XRCC5: variants seen among roughly 807,000 people sequenced by gnomAD.
XRCC5 encodes DNA repair protein Ku80.
A neutral mutation model predicts 95.7 loss-of-function variants in XRCC5; 12 were observed. The observed-to-expected ratio is 0.13, with a 90% CI of 0.08 to 0.20. The LOEUF (loss-of-function observed/expected upper bound fraction) is 0.20. XRCC5 is among the 10% of genes least tolerant of loss of function. XRCC5 has a pLI of 1.00. For missense variants in XRCC5, 595 were observed against 873.9 expected (o/e 0.68, Z 4.02); for synonymous variants, 281 against 290.3 (o/e 0.97, Z 0.33).
At chr2:216,155,812 C>T (rs1011900247) in intron 14 of XRCC5, among the ~76,000 whole-genome samples, 3 of 151,996 alleles carry the variant, frequency 2.0e-5, no homozygotes, top group East Asian at 1.9e-4. Context: ...TCTGATATAT[C>T]GGTGGGTACA....
At chr2:216,153,440 G>A (rs1222951998) in intron 14 of XRCC5, among the ~76,000 whole-genome samples, 4 of 152,198 alleles carry the variant, frequency 2.6e-5, no homozygotes, top group African/African-American at 7.2e-5. Flanking sequence ...AAGATAATGG[G>A]AAGCCATTAA....
chr2:216,206,285 C>A lies in XRCC5; in HGVS notation c.*1083C>A, dbSNP rs1689942366. The stretch of plus-strand genomic sequence containing the variant: ...CATTAAAGGCATAAATGACTCATCT[C>A]TCTGTGAATTGCTGCTAATTATTGT... On this transcript the variant is annotated 3_prime_UTR_variant, in exon 21 of 21. Coordinates refer to ENST00000392132, the MANE Select transcript of XRCC5 (RefSeq NM_021141.4). The A allele has an allele frequency of 6.6e-6, 1 of 152,208 alleles. No homozygotes were observed. The highest frequency in any genetic ancestry group is 2.4e-5 in the African/African-American group (1 of 41,430). 9.4% of individuals were successfully genotyped at this position (152,208 alleles called of 1,614,324 possible).
rs188484618 is a variant in XRCC5 at position 216,158,714 on chromosome 2, A to T, written c.1671-1354A>T. Among the ~76,000 whole-genome samples the T allele has an allele frequency of 3.3e-5, 5 of 152,222 alleles. No homozygotes were observed. The East Asian group carries it at 9.6e-4, about 29-fold the overall frequency. ...CTCTTGTCTACTTCTCAAAGGGAAAACATTTAGTGGTGAATGGGAAAGATG... is the reference window on the plus strand; with the variant it reads ...CTCTTGTCTACTTCTCAAAGGGAAATCATTTAGTGGTGAATGGGAAAGATG... On this transcript the variant is annotated intron_variant, in intron 14 of 20. Coordinates refer to ENST00000392132, the MANE Select transcript of XRCC5 (RefSeq NM_021141.4).
chr2:216,200,699 G>T (rs1266389130), intron 19 of XRCC5, among the ~76,000 whole-genome samples: 1 of 152,142 alleles, frequency 6.6e-6, no homozygotes, highest in Non-Finnish European at 1.5e-5. Context: ...CCCATCCCTT[G>T]AGGTAACCAC....
At chr2:216,151,238 A>G (rs1688738613) in intron 14 of XRCC5, among the ~76,000 whole-genome samples, 1 of 152,218 alleles carries the variant, frequency 6.6e-6, no homozygotes, top group South Asian at 2.1e-4. Context: ...AAAATATACT[A>G]AATATTACCC....
At chr2:216,158,273 G>A (rs1256501162) in intron 14 of XRCC5, among the ~76,000 whole-genome samples, 1 of 152,158 alleles carries the variant, frequency 6.6e-6, no homozygotes, top group Non-Finnish European at 1.5e-5. Context: ...CTTTCCTAAG[G>A]AGCAGACTGA....
In XRCC5 at chr2:216,117,720, G is replaced by C. The variant is rs779841874; in HGVS notation, c.320-26G>C. ...TGTTCACATGAAGAGACTGTTTGGTGATATCCCTATCCTTAACTAGCTGAG... is the reference window on the plus strand; with the variant it reads ...TGTTCACATGAAGAGACTGTTTGGTCATATCCCTATCCTTAACTAGCTGAG... On this transcript the variant is annotated intron_variant, in intron 3 of 20. Coordinates refer to ENST00000392132, the MANE Select transcript of XRCC5 (RefSeq NM_021141.4). 7.4e-6 allele frequency: 12 copies of C among 1,612,866 alleles called. No homozygotes were observed. In the South Asian group the frequency reaches 1.3e-4, roughly 18 times the overall value.
At chr2:216,116,899 A>G (rs187841716) in intron 3 of XRCC5, 57 bp downstream of exon 3, 6 of 1,582,228 alleles carry the variant, frequency 3.8e-6, no homozygotes, top group Non-Finnish European at 2.6e-6. Context: ...TGGGAATCGT[A>G]CAGCAGTTTG....
intron 8 of XRCC5, 102 bp downstream of exon 8, chr2:216,127,776 T>G: frequency 7.7e-7 from 1 of 1,291,014 alleles, no homozygotes; most frequent in South Asian, 1.6e-5. Flanking sequence ...AGTTATTTCT[T>G]TGAGTTATAG....
At chr2:216,159,747 AT>A (rs1688914166) in intron 14 of XRCC5, among the ~76,000 whole-genome samples, 2 of 152,196 alleles carry the variant, frequency 1.3e-5, no homozygotes, top group African/African-American at 4.8e-5. Context: ...TTAAATTTCC[AT>A]TATCTGTGCT....
intron 8 of XRCC5, among the ~76,000 whole-genome samples, chr2:216,128,230 G>GGATATCTGTATGTTCAA (rs1474040816): frequency 6.6e-6 from 1 of 152,152 alleles, no homozygotes; most frequent in Non-Finnish European, 1.5e-5. Context: ...AACTAGCTGA[G>GGATATCTGTATGTTCAA]GATATCTGTA....
intron 16 of XRCC5, among the ~76,000 whole-genome samples, chr2:216,170,511 A>G (rs775468837): frequency 6.6e-5 from 10 of 151,592 alleles, no homozygotes; most frequent in Non-Finnish European, 1.3e-4. Context: ...AGAGAGAGAC[A>G]CTTTTAAACC....
chr2:216,204,732 A>G (rs1689910621), intron 20 of XRCC5, among the ~76,000 whole-genome samples: 1 of 152,238 alleles, frequency 6.6e-6, no homozygotes, highest in Non-Finnish European at 1.5e-5. Flanking sequence ...TAAGTAATAC[A>G]ACATGCAGTT....
At chr2:216,158,331 A>T (rs1447398796) in intron 14 of XRCC5, among the ~76,000 whole-genome samples, 1 of 152,222 alleles carries the variant, frequency 6.6e-6, no homozygotes, top group East Asian at 1.9e-4. Context: ...CTAGATAGAT[A>T]AAAATTAGTA....
intron 16 of XRCC5, among the ~76,000 whole-genome samples, chr2:216,184,634 T>G (rs1443729115): frequency 1.3e-5 from 2 of 152,124 alleles, no homozygotes; most frequent in Non-Finnish European, 2.9e-5. Context: ...AGGCATATGC[T>G]ACCACACCCA....
At chr2:216,175,664 G>T in intron 16 of XRCC5, 1 of 412,722 alleles carries the variant, frequency 2.4e-6, no homozygotes, top group South Asian at 2.0e-5. Context: ...CTGTTAGGTG[G>T]GCACCAGGCT....
intron 6 of XRCC5, among the ~76,000 whole-genome samples, chr2:216,124,395 C>G (rs987787975): frequency 2.0e-5 from 3 of 152,140 alleles, no homozygotes; most frequent in Admixed American, 1.3e-4. Flanking sequence ...TACAGGCATG[C>G]GACACCATGC....
At chr2:216,159,085 G>T (rs1280069356) in intron 14 of XRCC5, among the ~76,000 whole-genome samples, 2 of 151,934 alleles carry the variant, frequency 1.3e-5, no homozygotes. Flanking sequence ...CACAATAAAT[G>T]CATATTTTAA....
At chr2:216,204,807 A>G (rs1438268376) in intron 20 of XRCC5, among the ~76,000 whole-genome samples, 2 of 152,246 alleles carry the variant, frequency 1.3e-5, no homozygotes, top group African/African-American at 4.8e-5. Flanking sequence ...CAATTAACTT[A>G]ATGTAAACAA....
Sources: allele counts gnomAD v4.1 joint callset (sites outside exome capture counted in the v4.1 genomes callset), GRCh38; gene constraint gnomAD v4.1.1; transcripts MANE v1.5; gene names NCBI Gene and HGNC (gene_info 2026-07-23, HGNC 2026-07-21).